The following EFNB2 variants were observed in gnomAD, a reference collection of about 807,000 sequenced individuals.
EFNB2 encodes the protein ephrin-B2.
A neutral mutation model predicts 32.1 loss-of-function variants in EFNB2; 5 were observed. That is an observed-to-expected ratio of 0.16 (90% CI 0.08 to 0.33). The LOEUF (loss-of-function observed/expected upper bound fraction) is 0.33, where lower values mean the gene tolerates loss of function less well. Ranked by LOEUF, EFNB2 falls within the 10% of genes least tolerant of loss-of-function variation. The pLI is 1.00. For missense variants in EFNB2, 263 were observed against 422.6 expected, an observed-to-expected ratio of 0.62 and a Z score of 3.31; for synonymous variants, 168 against 166.5, an observed-to-expected ratio of 1.01 and a Z score of -0.07.
At position 106,491,609 on chromosome 13, in the gene EFNB2, T is replaced by G. The variant is rs1246723175; in HGVS notation, c.*1431A>C. Reference sequence around the variant, plus strand: ...AGGACTCTAAGAGGTCTGCCGTATGTGCTTCACCTTGACACAGAGCACCGG... The same window carrying G: ...AGGACTCTAAGAGGTCTGCCGTATGGGCTTCACCTTGACACAGAGCACCGG... On this transcript the variant is annotated 3_prime_UTR_variant, in exon 5 of 5. Coordinates refer to ENST00000646441, the MANE Select transcript of EFNB2 (RefSeq NM_004093.4). The G allele has an allele frequency of 6.6e-6, 1 of 152,604 alleles. No individual in the cohort carries two copies. Among genetic ancestry groups the G allele is most frequent in the African/African-American group, 2.4e-5 (1 of 41,426 alleles). The allele number at this position is 152,604 out of a possible 1,614,324, so 9.5% of individuals were successfully genotyped here.
chr13:106,533,712 G>A (rs899208944), intron 1 of EFNB2, among the ~76,000 whole-genome samples: 1 of 152,094 alleles, frequency 6.6e-6, no homozygotes, highest in Non-Finnish European at 1.5e-5. Context: ...ACTTCAATTA[G>A]GCCATTGATT....
At chr13:106,516,365 G>A (rs541060368) in intron 1 of EFNB2, 14 of 152,342 alleles carry the variant, frequency 9.2e-5, no homozygotes, top group African/African-American at 2.9e-4. Context: ...GCCACCTCCA[G>A]AACCACTAAT....
chr13:106,516,685 G>C (rs1301147851), intron 1 of EFNB2: 1 of 152,200 alleles, frequency 6.6e-6, no homozygotes, highest in African/African-American at 2.4e-5. Flanking sequence ...GTCACATGGA[G>C]AGCCAGGGAA....
intron 2 of EFNB2, among the ~76,000 whole-genome samples, chr13:106,499,724 T>C (rs1028344995): frequency 6.6e-6 from 1 of 152,006 alleles, no homozygotes; most frequent in Non-Finnish European, 1.5e-5. Flanking sequence ...AGGAAAAAAA[T>C]AGACTTTACA....
At chr13:106,520,534 C>T (rs779301247) in intron 1 of EFNB2, 15 of 152,188 alleles carry the variant, frequency 9.9e-5, no homozygotes, top group Non-Finnish European at 1.5e-4. Flanking sequence ...CTTGGGAATA[C>T]GAATACTCCC....
chr13:106,496,238 C>A (rs1317004535), intron 2 of EFNB2, among the ~76,000 whole-genome samples: 1 of 152,198 alleles, frequency 6.6e-6, no homozygotes, highest in East Asian at 1.9e-4. Flanking sequence ...CATCCCCCCA[C>A]ACCTGCTTCC....
chr13:106,505,455 A>G (rs998995050), intron 2 of EFNB2, among the ~76,000 whole-genome samples: 1 of 152,188 alleles, frequency 6.6e-6, no homozygotes, highest in African/African-American at 2.4e-5. Flanking sequence ...AATTGCTCTA[A>G]GACCTGTGTT....
At chr13:106,526,494 T>A (rs1298558669) in intron 1 of EFNB2, among the ~76,000 whole-genome samples, 2 of 152,160 alleles carry the variant, frequency 1.3e-5, no homozygotes, top group African/African-American at 4.8e-5. Flanking sequence ...TCACTCTTGA[T>A]CTAGGTCATA....
intron 2 of EFNB2, among the ~76,000 whole-genome samples, chr13:106,501,547 C>T (rs555258001): frequency 4.7e-4 from 71 of 152,216 alleles, no homozygotes; most frequent in African/African-American, 1.6e-3. Flanking sequence ...TATACTTTCC[C>T]CTAAATGGCC....
Position 106,492,749 on chromosome 13 carries a change from T to C in EFNB2, c.*291A>G. On this transcript the variant is annotated 3_prime_UTR_variant, in exon 5 of 5. Transcript: ENST00000646441. This position sits in a 1 kb window ranked among gnomAD's most constrained non-coding sequence, Gnocchi z 5.1. ...CCCTTGGCTTCTGCAGAGGCCTGAGTGACCGCAGCACATGGCTTCGAGGAG... is the reference window on the plus strand; with the variant it reads ...CCCTTGGCTTCTGCAGAGGCCTGAGCGACCGCAGCACATGGCTTCGAGGAG... 3.2e-6 allele frequency: 1 copy of C among 316,022 alleles called. No homozygotes were observed. The highest frequency in any genetic ancestry group is 5.2e-5 in the East Asian group (1 of 19,206). The allele number at this position is 316,022 out of a possible 1,614,324, so 19.6% of individuals were successfully genotyped here. A position where few individuals can be genotyped will look rare whatever the true frequency, so the allele number is the denominator to read the frequency against.
intron 1 of EFNB2, among the ~76,000 whole-genome samples, chr13:106,525,503 C>T (rs761928674): frequency 6.6e-6 from 1 of 152,182 alleles, no homozygotes; most frequent in Non-Finnish European, 1.5e-5. Context: ...AATCCTGGGA[C>T]GTGTTCACAG....
intron 1 of EFNB2, among the ~76,000 whole-genome samples, chr13:106,532,554 T>TA (rs770773283): frequency 1.3e-5 from 2 of 152,148 alleles, no homozygotes; most frequent in Admixed American, 6.5e-5. Context: ...CTCAAAAACT[T>TA]AGAGAGGACT....
chr13:106,505,832 G>A (rs1476381394), intron 2 of EFNB2, among the ~76,000 whole-genome samples: 1 of 152,192 alleles, frequency 6.6e-6, no homozygotes, highest in African/African-American at 2.4e-5. Context: ...AATGAAGGCA[G>A]TTTTATTCTG....
chr13:106,494,499 C>A (rs1878524699), intron 4 of EFNB2, among the ~76,000 whole-genome samples: 1 of 151,960 alleles, frequency 6.6e-6, no homozygotes, highest in Non-Finnish European at 1.5e-5. Flanking sequence ...TCAATTAAAC[C>A]CTCTGTGGCT....
At chr13:106,530,693 A>G (rs575841763) in intron 1 of EFNB2, among the ~76,000 whole-genome samples, 49 of 152,328 alleles carry the variant, frequency 3.2e-4, no homozygotes, top group African/African-American at 1.1e-3. Flanking sequence ...GCATTACTGC[A>G]GTCACGCTGG....
At chr13:106,504,175 T>C (rs983257145) in intron 2 of EFNB2, among the ~76,000 whole-genome samples, 1 of 152,178 alleles carries the variant, frequency 6.6e-6, no homozygotes, top group Non-Finnish European at 1.5e-5. Flanking sequence ...AAAAAGTTCA[T>C]GGTGGGGAGG....
chr13:106,498,426 T>C (rs1483988305), intron 2 of EFNB2, among the ~76,000 whole-genome samples: 1 of 152,226 alleles, frequency 6.6e-6, no homozygotes, highest in Non-Finnish European at 1.5e-5. Flanking sequence ...GATTTTTTTT[T>C]CTTTTAATTT....
At chr13:106,509,662 T>TGTGC (rs1464890460) in intron 2 of EFNB2, among the ~76,000 whole-genome samples, 151 of 150,586 alleles carry the variant, frequency 1.0e-3, no homozygotes, top group Middle Eastern at 3.4e-3. Context: ...TGTGTGTGTG[T>TGTGC]GTGTGTGTGC....
chr13:106,512,903 C>G (rs1879189460), intron 1 of EFNB2, 91 bp from the exon 2 acceptor site: 10 of 1,132,898 alleles, frequency 8.8e-6, no homozygotes, highest in Non-Finnish European at 1.2e-5. Context: ...CCCATAATCC[C>G]AAACTACACA....
Sources: allele counts gnomAD v4.1 joint callset (sites outside exome capture counted in the v4.1 genomes callset), GRCh38; gene constraint gnomAD v4.1.1; non-coding constraint Gnocchi (gnomAD v3.1); transcripts MANE v1.5; gene names NCBI Gene and HGNC (gene_info 2026-07-23, HGNC 2026-07-21).